Variants in SLC16A2 observed in about 807,000 individuals in gnomAD.
SLC16A2 encodes solute carrier family 16 member 2.
SLC16A2 carries 3 observed loss-of-function variants against 27.2 expected under a neutral mutation model. That is an observed-to-expected ratio of 0.11 (90% confidence interval 0.05 to 0.28). The LOEUF (loss-of-function observed/expected upper bound fraction) is 0.28. SLC16A2 is among the 10% of genes least tolerant of loss of function. The pLI is 1.00. For missense variants in SLC16A2, 295 were observed against 458.5 expected, an observed-to-expected ratio of 0.64 and a Z score of 3.26; for synonymous variants, 202 against 187.8, an observed-to-expected ratio of 1.08 and a Z score of -0.62.
At chrX:74,442,738 T>C (rs1266795578) in intron 1 of SLC16A2, among the ~76,000 whole-genome samples, 5 of 111,762 alleles carry the variant, frequency 4.5e-5, no homozygotes, top group Admixed American at 1.9e-4. Flanking sequence ...GGGTGGATCA[T>C]GAGGTCGGGA....
rs4255295 is a variant in SLC16A2, at chrX:74,429,983, T to G, written c.430+7916T>G. ...GCACACAGCCTAATGATGGCTGCTCTGCTGCATTCCACGGTGGAGTTTCGT... is the reference window on the plus strand; with the variant it reads ...GCACACAGCCTAATGATGGCTGCTCGGCTGCATTCCACGGTGGAGTTTCGT... On this transcript the variant is annotated intron_variant, in intron 1 of 5. Coordinates refer to ENST00000587091, the MANE Select transcript of SLC16A2 (RefSeq NM_006517.5). 8.9e-3 allele frequency among the ~76,000 whole-genome samples: 1,005 copies of G among 112,351 alleles called. 9 individuals are homozygous for G. The highest frequency in any genetic ancestry group is 0.014 in the Non-Finnish European group (768 of 53,309).
intron 4 of SLC16A2, among the ~76,000 whole-genome samples, chrX:74,528,252 G>T (rs1395263656): frequency 9.0e-6 from 1 of 111,112 alleles, no homozygotes; most frequent in Non-Finnish European, 1.9e-5. Context: ...TGGCTGCAGG[G>T]GGTTGGCAGC....
chrX:74,497,041 G>A (rs779253791), intron 1 of SLC16A2, among the ~76,000 whole-genome samples: 4 of 112,006 alleles, frequency 3.6e-5, no homozygotes, highest in South Asian at 7.6e-4. Flanking sequence ...TCCTCTGGAC[G>A]TCCAGCAGCT....
chrX:74,504,957 T>C (rs1237169735), intron 1 of SLC16A2, among the ~76,000 whole-genome samples: 2 of 111,484 alleles, frequency 1.8e-5, no homozygotes, highest in African/African-American at 6.6e-5. Flanking sequence ...GCCACTGCAC[T>C]CCAACCCGGG....
chrX:74,422,464 A>C (rs887637096), intron 1 of SLC16A2, among the ~76,000 whole-genome samples: 2 of 104,067 alleles, frequency 1.9e-5, no homozygotes, highest in Admixed American at 1.0e-4. Flanking sequence ...TCATGAGGAG[A>C]GGAGAGAATT....
At chrX:74,520,867 A>G in intron 1 of SLC16A2, 123 bp from the exon 2 acceptor site, 1 of 748,680 alleles carries the variant, frequency 1.3e-6, no homozygotes, top group Non-Finnish European at 2.1e-6. Context: ...GGGACTAGCA[A>G]GCTGGCAATG....
intron 1 of SLC16A2, among the ~76,000 whole-genome samples, chrX:74,427,803 A>ATG (rs1555980158): frequency 9.7e-5 from 7 of 72,336 alleles, no homozygotes; most frequent in Non-Finnish European, 1.8e-4. Flanking sequence ...GCACGCGTGC[A>ATG]CGCGCGCGCA....
At chrX:74,477,574 G>A (rs896103181) in intron 1 of SLC16A2, among the ~76,000 whole-genome samples, 2 of 111,512 alleles carry the variant, frequency 1.8e-5, no homozygotes, top group Non-Finnish European at 3.8e-5. Flanking sequence ...TGTGATTTTA[G>A]GGTGTCAATT....
intron 1 of SLC16A2, among the ~76,000 whole-genome samples, chrX:74,471,691 T>C (rs1049467907): frequency 8.9e-6 from 1 of 111,761 alleles, no homozygotes; most frequent in East Asian, 2.8e-4. Flanking sequence ...CCATTTTAAG[T>C]GTACATTTCA....
intron 3 of SLC16A2, 49 bp downstream of exon 3, chrX:74,524,858 C>T (rs1178232600): frequency 9.5e-7 from 1 of 1,057,768 alleles, no homozygotes; most frequent in Non-Finnish European, 1.3e-6. Context: ...AAGAAGCTAC[C>T]CTCAACCTGC....
intron 1 of SLC16A2, among the ~76,000 whole-genome samples, chrX:74,439,190 C>CTTTCTTTCTTTCTTTCTT (rs1357240164): frequency 2.1e-5 from 2 of 93,179 alleles, no homozygotes; most frequent in African/African-American, 8.3e-5. Flanking sequence ...CTTTCTTTTT[C>CTTTCTTTCTTTCTTTCTT]TTTCTTTCTT....
chrX:74,476,073 G>A (rs1929471019), intron 1 of SLC16A2, among the ~76,000 whole-genome samples: 1 of 111,297 alleles, frequency 9.0e-6, no homozygotes, highest in Non-Finnish European at 1.9e-5. Flanking sequence ...ACCTTGGGCA[G>A]TATGGCCATT....
At chrX:74,490,584 T>A (rs1929807951) in intron 1 of SLC16A2, among the ~76,000 whole-genome samples, 1 of 110,942 alleles carries the variant, frequency 9.0e-6, no homozygotes, top group African/African-American at 3.3e-5. Context: ...AAGCCTTTTT[T>A]AAAACTAATT....
At chrX:74,495,012 C>T (rs1426008505) in intron 1 of SLC16A2, among the ~76,000 whole-genome samples, 2 of 111,710 alleles carry the variant, frequency 1.8e-5, no homozygotes, top group Non-Finnish European at 3.8e-5. Context: ...AGCCCACCTT[C>T]TGTGATCTCC....
chrX:74,428,029 C>A (rs1370716718), intron 1 of SLC16A2, among the ~76,000 whole-genome samples: 1 of 110,944 alleles, frequency 9.0e-6, no homozygotes, highest in Non-Finnish European at 1.9e-5. Flanking sequence ...CTGGATTGTA[C>A]CTCTTGAACT....
chrX:74,427,829 A>G (rs1928439427), intron 1 of SLC16A2, among the ~76,000 whole-genome samples: 1 of 109,738 alleles, frequency 9.1e-6, no homozygotes, highest in African/African-American at 3.3e-5. Flanking sequence ...ACACACACAC[A>G]CACACACACA....
At chrX:74,513,049 A>G (rs1463682243) in intron 1 of SLC16A2, among the ~76,000 whole-genome samples, 1 of 111,724 alleles carries the variant, frequency 9.0e-6, no homozygotes, top group Admixed American at 9.5e-5. Flanking sequence ...TCTGGGAACC[A>G]CTGAGGAAAA....
intron 1 of SLC16A2, among the ~76,000 whole-genome samples, chrX:74,502,223 C>G (rs1930048973): frequency 9.0e-6 from 1 of 111,684 alleles, no homozygotes; most frequent in Non-Finnish European, 1.9e-5. Flanking sequence ...TGTTGTTATT[C>G]CAAACTCTTG....
intron 1 of SLC16A2, chrX:74,473,027 G>A: frequency 3.9e-6 from 2 of 510,247 alleles, no homozygotes; most frequent in Non-Finnish European, 3.5e-6. Flanking sequence ...AAAATCTTCT[G>A]CCACTGCCAC....
Sources: gnomAD v4.1 joint callset for allele counts (sites outside exome capture counted in the v4.1 genomes callset) on GRCh38, gnomAD v4.1.1 for gene constraint, MANE v1.5 for transcripts, NCBI Gene and HGNC (gene_info 2026-07-23, HGNC 2026-07-21) for gene names.